DCAF17: variants seen among roughly 807,000 people sequenced by gnomAD.
DCAF17 encodes DDB1- and CUL4-associated factor 17.
DCAF17 carries 48 observed loss-of-function variants against 66.0 expected under a neutral mutation model. The ratio of observed to expected loss-of-function variants is 0.73; its 90% CI spans 0.58 to 0.92. DCAF17 has a LOEUF of 0.92. DCAF17 is among the 40% of genes least tolerant of loss of function. DCAF17 has a pLI of 0.00. For synonymous variants in DCAF17, 206 were observed against 214.6 expected (o/e 0.96, Z 0.35); for missense variants, 562 against 622.8 (o/e 0.90, Z 1.04).
intron 9 of DCAF17, among the ~76,000 whole-genome samples, chr2:171,471,600 T>C (rs996619543): frequency 2.6e-5 from 4 of 152,224 alleles, no homozygotes; most frequent in African/African-American, 9.6e-5. Context: ...TTTTCTTTTA[T>C]GTAAAATGTA....
chr2:171,446,330 G>A (rs1694622779), intron 3 of DCAF17, among the ~76,000 whole-genome samples: 1 of 152,050 alleles, frequency 6.6e-6, no homozygotes, highest in Non-Finnish European at 1.5e-5. Flanking sequence ...GGCAGATCAC[G>A]AGATCGGGTG....
At chr2:171,443,363 A>G (rs1052861109) in intron 2 of DCAF17, 160 bp from the exon 3 acceptor site, 2 of 575,718 alleles carry the variant, frequency 3.5e-6, no homozygotes, top group Non-Finnish European at 6.0e-6. Context: ...TTTTATATGA[A>G]TTATGTGATC....
chr2:171,444,976 G>C (rs1694531469), intron 3 of DCAF17, among the ~76,000 whole-genome samples: 2 of 152,214 alleles, frequency 1.3e-5, no homozygotes, highest in South Asian at 4.1e-4. Flanking sequence ...CTTATTGAAA[G>C]CTAAAAGTAA....
At chr2:171,477,158 G>C (rs949296982) in intron 11 of DCAF17, among the ~76,000 whole-genome samples, 3 of 152,080 alleles carry the variant, frequency 2.0e-5, no homozygotes, top group Admixed American at 6.5e-5. Context: ...TTTGTCTTTT[G>C]CTGATTTCCG....
chr2:171,444,644 A>G (rs1374570218), intron 3 of DCAF17, among the ~76,000 whole-genome samples: 1 of 152,230 alleles, frequency 6.6e-6, no homozygotes, highest in Non-Finnish European at 1.5e-5. Context: ...ATCGACCTGT[A>G]TTTGTTTTCT....
chr2:171,475,234 C>A (rs1266188538), intron 10 of DCAF17, among the ~76,000 whole-genome samples: 2 of 152,160 alleles, frequency 1.3e-5, no homozygotes, highest in African/African-American at 4.8e-5. Flanking sequence ...ACAGACCTTC[C>A]CTGATGCCCT....
chr2:171,452,739 T>C (rs559044308), intron 5 of DCAF17, among the ~76,000 whole-genome samples: 2 of 152,362 alleles, frequency 1.3e-5, no homozygotes, highest in East Asian at 1.9e-4. Flanking sequence ...GCTGGAATTA[T>C]AGGCGTGAGC....
At chr2:171,475,910 T>G (rs964390759) in intron 10 of DCAF17, among the ~76,000 whole-genome samples, 5 of 152,258 alleles carry the variant, frequency 3.3e-5, no homozygotes, top group African/African-American at 1.2e-4. Flanking sequence ...TAAACTGTGG[T>G]TCCGCTTCAG....
rs1294610788 is a variant in DCAF17, at chr2:171,481,880, T to G, written c.*766T>G. 2.2e-6 allele frequency: 1 copy of G among 454,060 alleles called. No individual in the cohort carries two copies. The highest frequency in any genetic ancestry group is 2.3e-5 in the Admixed American group (1 of 42,576). The allele number at this position is 454,060 out of a possible 1,614,324, so 28.1% of individuals were successfully genotyped here. A position where few individuals can be genotyped will look rare whatever the true frequency, so the allele number is the denominator to read the frequency against. On this transcript the variant is annotated 3_prime_UTR_variant, in exon 14 of 14. Transcript: ENST00000375255. ...GGATGTTCTCATCTCACCATTCTAC[T>G]CATTTAGTGAGTTTTCTGATCTTGT...
chr2:171,435,604 C>G (rs1305551856), intron 2 of DCAF17, among the ~76,000 whole-genome samples: 1 of 149,978 alleles, frequency 6.7e-6, no homozygotes, highest in African/African-American at 2.5e-5. Flanking sequence ...TTTAGAGATC[C>G]AAAATGTTTA....
At chr2:171,457,949 T>TA in intron 6 of DCAF17, 22 bp from the exon 7 acceptor site, 1 of 1,563,004 alleles carries the variant, frequency 6.4e-7, no homozygotes, top group Non-Finnish European at 8.8e-7. Context: ...TCTCAGGTGA[T>TA]ATCTGTCTTT....
rs1433207089 is a variant in DCAF17, at chr2:171,482,064, A to G, written c.*950A>G. 6.6e-6 allele frequency: 3 copies of G among 453,734 alleles called. No individual in the cohort carries two copies. The highest frequency in any genetic ancestry group is 1.3e-5 in the Non-Finnish European group (3 of 226,718). 28.1% of individuals were successfully genotyped at this position (453,734 alleles called of 1,614,324 possible). A position where few individuals can be genotyped will look rare whatever the true frequency, so the allele number is the denominator to read the frequency against. On this transcript the variant is annotated 3_prime_UTR_variant, in exon 14 of 14. Coordinates refer to ENST00000375255, the MANE Select transcript of DCAF17 (RefSeq NM_025000.4). ...AGAAAATTTTTGGCTTACTTATGGA[A>G]CAAGCATTATTTCTTCTTTGTTAGG...
intron 12 of DCAF17, among the ~76,000 whole-genome samples, chr2:171,479,320 G>C (rs1319704816): frequency 6.6e-6 from 1 of 152,020 alleles, no homozygotes; most frequent in Non-Finnish European, 1.5e-5. Flanking sequence ...ACCTTCCTGT[G>C]GTCTATTCCT....
At chr2:171,467,149 A>C (rs1420368137) in intron 8 of DCAF17, among the ~76,000 whole-genome samples, 1 of 152,154 alleles carries the variant, frequency 6.6e-6, no homozygotes, top group Non-Finnish European at 1.5e-5. Context: ...ACAGGTTTGA[A>C]CTGCACAAGT....
At position 171,481,680 on chromosome 2, in the gene DCAF17, A is replaced by G. The variant is rs762232315; in HGVS notation, c.*566A>G. On this transcript the variant is annotated 3_prime_UTR_variant, in exon 14 of 14. Transcript: ENST00000375255. ...TATGTGTTTCGTATTTGTATATAGT[A>G]TCAGGAATTGGTTCTAGTTCCCAAA... 1.7e-4 allele frequency: 75 copies of G among 453,500 alleles called. 3 individuals are homozygous for G. Among genetic ancestry groups the G allele is most frequent in the South Asian group, 1.1e-3 (72 of 64,350 alleles). The allele number at this position is 453,500 out of a possible 1,614,324, so 28.1% of individuals were successfully genotyped here. A position where few individuals can be genotyped will look rare whatever the true frequency, so the allele number is the denominator to read the frequency against.
chr2:171,444,518 A>G (rs1272140235), intron 3 of DCAF17, among the ~76,000 whole-genome samples: 1 of 152,228 alleles, frequency 6.6e-6, no homozygotes, highest in Non-Finnish European at 1.5e-5. Context: ...TTTTGTGTTT[A>G]GACTTGGGTC....
intron 12 of DCAF17, 68 bp downstream of exon 12, chr2:171,478,138 C>CT (rs1696584177): frequency 1.4e-6 from 2 of 1,384,588 alleles, no homozygotes; most frequent in African/African-American, 2.9e-5. Context: ...CATATTAATA[C>CT]TTCCCCATAT....
At chr2:171,459,531 C>T (rs1017737620) in intron 8 of DCAF17, among the ~76,000 whole-genome samples, 4 of 152,100 alleles carry the variant, frequency 2.6e-5, no homozygotes, top group African/African-American at 9.7e-5. Context: ...AGACTCATTC[C>T]TTATCATGTT....
chr2:171,443,302 G>A (rs1425000754), intron 2 of DCAF17: 1 of 426,314 alleles, frequency 2.3e-6, no homozygotes, highest in African/African-American at 2.0e-5. Context: ...TGTTAATAAG[G>A]GTTATTTTTG....
Sources: gnomAD v4.1 joint callset for allele counts (sites outside exome capture counted in the v4.1 genomes callset) on GRCh38, gnomAD v4.1.1 for gene constraint, MANE v1.5 for transcripts, NCBI Gene and HGNC (gene_info 2026-07-23, HGNC 2026-07-21) for gene names.